ASPG: variants seen among roughly 807,000 people sequenced by gnomAD.
ASPG encodes asparaginase.
In ASPG, 53 loss-of-function variants were observed where a neutral mutation model predicts 63.2. That is an observed-to-expected ratio of 0.84 (90% CI 0.67 to 1.05). The LOEUF is 1.05. Ranked by LOEUF, ASPG falls within the 50% of genes least tolerant of loss-of-function variation. ASPG has a pLI of 0.00. For missense variants in ASPG, 741 were observed against 794.4 expected, an observed-to-expected ratio of 0.93 and a Z score of 0.81; for synonymous variants, 370 against 355.0, an observed-to-expected ratio of 1.04 and a Z score of -0.48.
intron 3 of ASPG, among the ~76,000 whole-genome samples, chr14:104,094,163 G>A (rs529782579): frequency 3.3e-5 from 5 of 152,088 alleles, no homozygotes; most frequent in South Asian, 4.1e-4. Flanking sequence ...GGGGGTGGGC[G>A]TATAGGGCCA....
chr14:104,103,597 G>A lies in ASPG; in HGVS notation c.675G>A (p.Lys225=), dbSNP rs556963707. 6.5e-7 allele frequency: 1 copy of A among 1,548,176 alleles called. No individual in the cohort carries two copies. The highest frequency in any genetic ancestry group is 2.4e-5 in the East Asian group (1 of 40,910). ...NRELVRKVDG[K]AGLVVHSSME... ...AGCTGGTGCGGAAGGTGGACGGGAA[G>A]GCTGGGCTGGTGGTGCACAGCAGCA... The change falls in exon 7 of 16, where the codon AAG becomes AAA. Residue 225 remains lysine (K), a synonymous_variant. Coordinates refer to ENST00000551177, the MANE Select transcript of ASPG (RefSeq NM_001080464.3).
At chr14:104,111,072 G>T in intron 13 of ASPG, 1 of 985,428 alleles carries the variant, frequency 1.0e-6, no homozygotes. Flanking sequence ...GGGAAGAGCG[G>T]TGTGTTGTGT....
intron 1 of ASPG, among the ~76,000 whole-genome samples, chr14:104,086,125 G>T (rs969566507): frequency 6.6e-6 from 1 of 152,180 alleles, no homozygotes; most frequent in Non-Finnish European, 1.5e-5. Flanking sequence ...CTGCCGCTGC[G>T]CCCCTGAGGG....
At position 104,109,258 on chromosome 14, in the gene ASPG, A is replaced by G; in HGVS notation, c.1463A>G (p.Glu488Gly). Residue 488 changes from glutamate (E) to glycine (G), a missense_variant, in exon 13 of 16, where the codon GAA (glutamate) becomes GGA (glycine). Coordinates refer to ENST00000551177, the MANE Select transcript of ASPG (RefSeq NM_001080464.3). The surrounding 1 kb of genome is among the most constrained non-coding windows in gnomAD (Gnocchi z 4.8). Reference protein sequence around the residue: ...RHPGVIGLLREAGASLSTQEL... With the variant: ...RHPGVIGLLRGAGASLSTQEL... Reference sequence around the variant, plus strand: ...CCGGGTGTCATTGGGTTGCTGCGGGAAGCCGGGGCCTCCCTGTCCACCCAG... The same window carrying G: ...CCGGGTGTCATTGGGTTGCTGCGGGGAGCCGGGGCCTCCCTGTCCACCCAG... 1 of 1,613,240 alleles carries G rather than the reference A, an allele frequency of 6.2e-7. No individual in the cohort carries two copies. The highest frequency in any genetic ancestry group is 8.5e-7 in the Non-Finnish European group (1 of 1,179,788).
rs1197742194 is a variant in ASPG, at chr14:104,113,640, C to T, written c.*1096C>T. ...TTGGCTGGCCTCTGGACTGGAGCCC[C>T]AGGAGGGCAAAAGCATGACCCCAGA... is the stretch of plus-strand genomic sequence containing the variant. On this transcript the variant is annotated 3_prime_UTR_variant, in exon 16 of 16. Transcript: ENST00000551177. 2 of 152,300 alleles carry T rather than the reference C, an allele frequency of 1.3e-5. No individual in the cohort carries two copies. The highest frequency in any genetic ancestry group is 4.8e-5 in the African/African-American group (2 of 41,458). The allele number at this position is 152,300 out of a possible 1,614,324, so 9.4% of individuals were successfully genotyped here.
Position 104,114,271 on chromosome 14 carries a change from C to T in ASPG, c.*1727C>T, listed in dbSNP as rs2037436430. The T allele has an allele frequency of 6.6e-6, 1 of 152,312 alleles. No individual in the cohort carries two copies. Among genetic ancestry groups the T allele is most frequent in the Non-Finnish European group, 1.5e-5 (1 of 68,086 alleles). The allele number at this position is 152,312 out of a possible 1,614,324, so 9.4% of individuals were successfully genotyped here. ...GTCCTGTAGTGTAGAAACGCCCACTCATCCTGCTTGTCCCGCAGAGAGCAT... is the reference window on the plus strand; with the variant it reads ...GTCCTGTAGTGTAGAAACGCCCACTTATCCTGCTTGTCCCGCAGAGAGCAT... On this transcript the variant is annotated 3_prime_UTR_variant, in exon 16 of 16. Transcript: ENST00000551177.
rs78864944 is a variant in ASPG at position 104,106,932 on chromosome 14, C to T, written c.1269+38C>T. On this transcript the variant is annotated intron_variant, in intron 11 of 15. Transcript: ENST00000551177. ...CACCCTGGGGGCCCAGCCCCAGCCA[C>T]GCCTGGCCTGGGGGCTCTGAACCCT... The T allele has an allele frequency of 1.9e-3, 2,971 of 1,530,950 alleles. 48 individuals carry two copies. In the African/African-American group the frequency reaches 0.033, roughly 17 times the overall value. 94.8% of individuals were successfully genotyped at this position (1,530,950 alleles called of 1,614,324 possible).
In ASPG at chr14:104,109,315, G is replaced by C. The variant is rs1207230171; in HGVS notation, c.1520G>C (p.Arg507Thr). ...GAGGAAGCAGGGACGGAGCTGTGCA[G>C]GTGAGTGCAGCTAGAGCACCTGCTC... ...ELEEAGTELC[R>T]LAYRADLEGL... Residue 507 changes from arginine (R) to threonine (T), a missense_variant and splice_region_variant, in exon 13 of 16, where the codon AGG (arginine) becomes ACG (threonine). Arg to Thr is a moderately conservative substitution (Grantham distance 71, BLOSUM62 -1). Coordinates refer to ENST00000551177, the MANE Select transcript of ASPG (RefSeq NM_001080464.3). The surrounding 1 kb of genome is among the most constrained non-coding windows in gnomAD (Gnocchi z 4.8). 5 of 1,607,896 alleles carry C rather than the reference G, an allele frequency of 3.1e-6. No individual in the cohort carries two copies. The highest frequency in any genetic ancestry group is 2.2e-5 in the East Asian group (1 of 44,746).
Position 104,105,360 on chromosome 14 carries a change from G to A in ASPG, c.1083G>A (p.Thr361=), listed in dbSNP as rs754705190. 20 of 1,612,622 alleles carry A rather than the reference G, an allele frequency of 1.2e-5. No individual in the cohort carries two copies. The highest frequency in any genetic ancestry group is 3.3e-5 in the South Asian group (3 of 91,086). The change falls in exon 10 of 16, where the codon ACG becomes ACA. Residue 361 remains threonine (T), a synonymous_variant. Transcript: ENST00000551177. Reference sequence around the variant, plus strand: ...CCAAGGACCTTCGGGGGGAGATGACGCCACCCTCGGTGGAAGAGCGCCGGC... The same window carrying A: ...CCAAGGACCTTCGGGGGGAGATGACACCACCCTCGGTGGAAGAGCGCCGGC... ...LLTKDLRGEM[T]PPSVEERRPS... is the part of the protein sequence containing the mutation.
rs899889805 is a variant in ASPG, at chr14:104,108,447, G to T, written c.1434-782G>T. On this transcript the variant is annotated intron_variant, in intron 12 of 15. Transcript: ENST00000551177. ...ACCGGTCTCCCAGCCTCGCTCCGCTGCCAGGCTCCCTGAGGCCGCCTGCCT... is the reference window on the plus strand; with the variant it reads ...ACCGGTCTCCCAGCCTCGCTCCGCTTCCAGGCTCCCTGAGGCCGCCTGCCT... The T allele has an allele frequency of 4.1e-6, 4 of 985,420 alleles. No individual in the cohort carries two copies. The African/African-American group carries it at 7.0e-5, about 17-fold the overall frequency. The allele number at this position is 985,420 out of a possible 1,614,324, so 61.0% of individuals were successfully genotyped here. A position where few individuals can be genotyped will look rare whatever the true frequency, so the allele number is the denominator to read the frequency against.
rs750415428 is a variant in ASPG at position 104,112,504 on chromosome 14, A to T, written c.1702-20A>T. 5 of 1,334,266 alleles carry T rather than the reference A, an allele frequency of 3.7e-6. No homozygotes were observed. Among genetic ancestry groups the T allele is most frequent in the Admixed American group, 3.4e-5 (2 of 59,580 alleles). 82.7% of individuals were successfully genotyped at this position (1,334,266 alleles called of 1,614,324 possible). On this transcript the variant is annotated intron_variant, in intron 15 of 15. Coordinates refer to ENST00000551177, the MANE Select transcript of ASPG (RefSeq NM_001080464.3). ...CGCACTCTACCTGGGTGTCCTTCTC[A>T]GGAGCCCTCATGTTTTCAGGAAGTG...
chr14:104,111,815 G>A, intron 14 of ASPG, 105 bp from the exon 15 acceptor site: 1 of 1,171,524 alleles, frequency 8.5e-7, no homozygotes, highest in Non-Finnish European at 1.2e-6. Flanking sequence ...GGGGCCCTGT[G>A]TGTGTGGGCT....
chr14:104,098,075 G>GGAGGTTCTC (rs1566830457), intron 5 of ASPG, among the ~76,000 whole-genome samples: 10 of 8,926 alleles, frequency 1.1e-3, no homozygotes, highest in Non-Finnish European at 3.0e-3. Context: ...TGGAGGTTTT[G>GGAGGTTCTC]CGTTAGAGAT....
At chr14:104,112,461 G>C (rs2037410096) in intron 15 of ASPG, 63 bp from the exon 16 acceptor site, 2 of 965,196 alleles carry the variant, frequency 2.1e-6, no homozygotes, top group Non-Finnish European at 3.4e-6. Context: ...GCCTGGGCTT[G>C]TCTCTCTGCC....
chr14:104,095,427 C>T (rs2036551645), intron 3 of ASPG, 104 bp from the exon 4 acceptor site: 1 of 1,528,556 alleles, frequency 6.5e-7, no homozygotes, highest in South Asian at 1.2e-5. Flanking sequence ...GGGTGCCTCC[C>T]CTGAGTCCTC....
chr14:104,093,655 G>A, intron 3 of ASPG, 53 bp downstream of exon 3: 2 of 939,716 alleles, frequency 2.1e-6, no homozygotes, highest in Non-Finnish European at 1.3e-6. Context: ...GTGGGGCTGA[G>A]GTGTGTGGGT....
rs781293098 is a variant in ASPG at position 104,098,938 on chromosome 14, C to T, written c.599C>T (p.Pro200Leu). The T allele has an allele frequency of 1.3e-5, 21 of 1,603,732 alleles. No homozygotes were observed. The highest frequency in any genetic ancestry group is 1.6e-5 in the Non-Finnish European group (19 of 1,176,092). ...CGGAGGTTCGCAGCTTTCTGCTCCC[C>T]GAACCTGCTGCCTCTGGCCACAGTG... ...DARRFAAFCS[P>L]NLLPLATVGA... The change falls in exon 6 of 16, where the codon CCG becomes CTG. Residue 200 changes from proline to leucine, a missense_variant. Transcript: ENST00000551177.
chr14:104,097,493 G>A (rs1596078555), intron 4 of ASPG, 61 bp from the exon 5 acceptor site: 1 of 1,490,578 alleles, frequency 6.7e-7, no homozygotes. Flanking sequence ...GGAGAGATGA[G>A]CCAGACATCC....
chr14:104,110,012 C>A lies in ASPG; in HGVS notation c.1520+697C>A. ...GATGCAGGGATCCTCCTCTGTCCGCCACAGCCAGAATCGCTGCCCCCCACC... is the reference window on the plus strand; with the variant it reads ...GATGCAGGGATCCTCCTCTGTCCGCAACAGCCAGAATCGCTGCCCCCCACC... On this transcript the variant is annotated intron_variant, in intron 13 of 15. Coordinates refer to ENST00000551177, the MANE Select transcript of ASPG (RefSeq NM_001080464.3). The surrounding 1 kb of genome is among the most constrained non-coding windows in gnomAD (Gnocchi z 4.7). The A allele has an allele frequency of 1.0e-6, 1 of 985,360 alleles. No homozygotes were observed. The highest frequency in any genetic ancestry group is 1.2e-6 in the Non-Finnish European group (1 of 829,920). The allele number at this position is 985,360 out of a possible 1,614,324, so 61.0% of individuals were successfully genotyped here. A position where few individuals can be genotyped will look rare whatever the true frequency, so the allele number is the denominator to read the frequency against.
Sources: allele counts gnomAD v4.1 joint callset (sites outside exome capture counted in the v4.1 genomes callset), GRCh38; gene constraint gnomAD v4.1.1; non-coding constraint Gnocchi (gnomAD v3.1); transcripts MANE v1.5; gene names NCBI Gene and HGNC (gene_info 2026-07-23, HGNC 2026-07-21).